SLC27A1: variants seen among roughly 807,000 people sequenced by gnomAD.
SLC27A1 encodes long-chain fatty acid transport protein 1.
In SLC27A1, 61 loss-of-function variants were observed where a neutral mutation model predicts 62.2. The observed-to-expected ratio is 0.98, with a 90% CI of 0.80 to 1.21. The LOEUF (loss-of-function observed/expected upper bound fraction) is 1.21, where lower values mean the gene tolerates loss of function less well. Among genes scored for constraint, SLC27A1 ranks in the 50% most tolerant of loss-of-function variants. The probability of loss-of-function intolerance (pLI) is 0.00; values close to 1 mark genes in which losing one functional copy is unlikely to be tolerated. For synonymous variants in SLC27A1, 435 were observed against 408.6 expected, an observed-to-expected ratio of 1.06 and a Z score of -0.78; for missense variants, 903 against 932.1, an observed-to-expected ratio of 0.97 and a Z score of 0.41.
rs767186280 is a variant in SLC27A1 at position 17,486,955 on chromosome 19, C to T, written c.560C>T (p.Ala187Val). The T allele has an allele frequency of 3.8e-6, 6 of 1,569,556 alleles. No homozygotes were observed. Among genetic ancestry groups the T allele is most frequent in the Non-Finnish European group, 5.2e-6 (6 of 1,164,908 alleles). ...KALIFGGEMV[A>V]AVAEVSGHLG... Reference sequence around the variant, plus strand: ...CTGATCTTTGGAGGAGAAATGGTGGCGGGTGAGGCCAGGCGTGGGCATCAG... The same window carrying T: ...CTGATCTTTGGAGGAGAAATGGTGGTGGGTGAGGCCAGGCGTGGGCATCAG... The change falls in exon 2 of 12, where the codon GCG becomes GTG. Residue 187 changes from alanine (A) to valine (V), a missense_variant and splice_region_variant. Coordinates refer to ENST00000252595, the MANE Select transcript of SLC27A1 (RefSeq NM_198580.3). This position sits in a 1 kb window ranked among gnomAD's most constrained non-coding sequence, Gnocchi z 6.6.
intron 1 of SLC27A1, among the ~76,000 whole-genome samples, chr19:17,480,239 G>A (rs1442612373): frequency 1.3e-5 from 2 of 151,916 alleles, no homozygotes; most frequent in Admixed American, 6.6e-5. Context: ...TGTTGGCCGG[G>A]CTGGTCTCGA....
intron 11 of SLC27A1, among the ~76,000 whole-genome samples, chr19:17,503,871 G>T (rs973814993): frequency 4.3e-5 from 6 of 140,944 alleles, no homozygotes; most frequent in African/African-American, 1.6e-4. Flanking sequence ...GGTGGAGGTT[G>T]CAGTGAGCCG....
In SLC27A1 at chr19:17,504,261, A is replaced by G. The variant is rs537004938; in HGVS notation, c.1784-194A>G. Among the ~76,000 whole-genome samples, 654 of 152,214 alleles carry G rather than the reference A, an allele frequency of 4.3e-3. 4 individuals are homozygous for G. Among genetic ancestry groups the G allele is most frequent in the Middle Eastern group, 0.02 (6 of 294 alleles). The stretch of plus-strand genomic sequence containing the variant: ...TTGCCCTGGTGAGGAGTGGTTAGGG[A>G]GGCCTCACTGGAGGAGGGGGCATGA... On this transcript the variant is annotated intron_variant, in intron 11 of 11. Transcript: ENST00000252595.
chr19:17,492,329 C>T lies in SLC27A1; in HGVS notation c.996+3212C>T, dbSNP rs114865391. 139 of 152,328 alleles carry T rather than the reference C, an allele frequency of 9.1e-4. 1 individual carries two copies. The highest frequency in any genetic ancestry group is 3.3e-3 in the African/African-American group (136 of 41,572). 9.4% of individuals were successfully genotyped at this position (152,328 alleles called of 1,614,324 possible). ...TGATGGTCTCTCTTTGTCCTTGACA[C>T]ACCATCTTGCATTGGTTACTACTTA... On this transcript the variant is annotated intron_variant, in intron 6 of 11. Transcript: ENST00000252595.
In SLC27A1 at chr19:17,500,729, G is replaced by C. The variant is rs1352644329; in HGVS notation, c.1489G>C (p.Asp497His). The change falls in exon 10 of 12, where the codon GAT becomes CAT. Residue 497 changes from aspartate to histidine, a missense_variant. Transcript: ENST00000252595. ...TCTGCCAGGTGACGTGCTAGTGATG[G>C]ATGAGCTGGGCTACATGTACTTCCG... ...AYLSGDVLVM[D>H]ELGYMYFRDR... 1 of 1,613,992 alleles carries C rather than the reference G, an allele frequency of 6.2e-7. No homozygotes were observed. The highest frequency in any genetic ancestry group is 8.5e-7 in the Non-Finnish European group (1 of 1,180,038).
Position 17,486,431 on chromosome 19 carries a change from A to T in SLC27A1, c.168-132A>T. ...CCTTGGTCCACTGAGAGATCCAGCCACCAAAAGTTTCACCATAGACCTCAT... is the reference window on the plus strand; with the variant it reads ...CCTTGGTCCACTGAGAGATCCAGCCTCCAAAAGTTTCACCATAGACCTCAT... On this transcript the variant is annotated intron_variant, in intron 1 of 11. Transcript: ENST00000252595. The surrounding 1 kb of genome is among the most constrained non-coding windows in gnomAD (Gnocchi z 6.6). 1 of 1,104,738 alleles carries T rather than the reference A, an allele frequency of 9.1e-7. No individual in the cohort carries two copies. Among genetic ancestry groups the T allele is most frequent in the African/African-American group, 1.6e-5 (1 of 62,644 alleles). 68.4% of individuals were successfully genotyped at this position (1,104,738 alleles called of 1,614,324 possible).
chr19:17,479,217 C>G (rs906878582), intron 1 of SLC27A1, among the ~76,000 whole-genome samples: 1 of 152,086 alleles, frequency 6.6e-6, no homozygotes, highest in Non-Finnish European at 1.5e-5. Flanking sequence ...ACCAGCCTGG[C>G]CAACAAAATG....
intron 1 of SLC27A1, among the ~76,000 whole-genome samples, chr19:17,483,106 G>GA (rs2075196721): frequency 2.6e-5 from 4 of 152,014 alleles, no homozygotes; most frequent in African/African-American, 4.8e-5. Context: ...ATGAATGAAT[G>GA]AGGGAATGAG....
At chr19:17,488,792 A>C (rs1033460781) in intron 4 of SLC27A1, 56 bp from the exon 5 acceptor site, 1 of 1,501,280 alleles carries the variant, frequency 6.7e-7, no homozygotes, top group Non-Finnish European at 9.2e-7. Flanking sequence ...CCATGCCTGT[A>C]CCCTGGGGGA....
At position 17,487,449 on chromosome 19, in the gene SLC27A1, A is replaced by C. The variant is rs779369561; in HGVS notation, c.725-11A>C. 1 of 1,557,262 alleles carries C rather than the reference A, an allele frequency of 6.4e-7. No individual in the cohort carries two copies. Among genetic ancestry groups the C allele is most frequent in the Admixed American group, 1.9e-5 (1 of 52,788 alleles). Reference sequence around the variant, plus strand: ...CTCAGGCCCCACCCCTAACACCTGTATCTCCTGCAGATCGTCTTTTCTACA... The same window carrying C: ...CTCAGGCCCCACCCCTAACACCTGTCTCTCCTGCAGATCGTCTTTTCTACA... On this transcript the variant is annotated splice_polypyrimidine_tract_variant and intron_variant, in intron 3 of 11. Transcript: ENST00000252595.
Position 17,486,444 on chromosome 19 carries a change from C to T in SLC27A1, c.168-119C>T. On this transcript the variant is annotated intron_variant, in intron 1 of 11. Transcript: ENST00000252595. This position sits in a 1 kb window ranked among gnomAD's most constrained non-coding sequence, Gnocchi z 6.6. ...AGAGATCCAGCCACCAAAAGTTTCA[C>T]CATAGACCTCATCAAAGCCCCTGGC... is the stretch of plus-strand genomic sequence containing the variant. The T allele has an allele frequency of 8.0e-7, 1 of 1,245,542 alleles. No individual in the cohort carries two copies. The highest frequency in any genetic ancestry group is 1.1e-6 in the Non-Finnish European group (1 of 921,966). The allele number at this position is 1,245,542 out of a possible 1,614,324, so 77.2% of individuals were successfully genotyped here. A position where few individuals can be genotyped will look rare whatever the true frequency, so the allele number is the denominator to read the frequency against.
At chr19:17,473,566 TAAA>T (rs2075096347) in intron 1 of SLC27A1, among the ~76,000 whole-genome samples, 1 of 152,060 alleles carries the variant, frequency 6.6e-6, no homozygotes, top group African/African-American at 2.4e-5. Flanking sequence ...GCTACATTAA[TAAA>T]AAATTAACTC....
intron 11 of SLC27A1, among the ~76,000 whole-genome samples, chr19:17,502,049 G>T: frequency 6.6e-6 from 1 of 151,826 alleles, no homozygotes; most frequent in Admixed American, 6.6e-5. Flanking sequence ...CTGGGAGGCA[G>T]AGGTTGCAGT....
chr19:17,487,401 C>T (rs1183450161), intron 3 of SLC27A1, 59 bp from the exon 4 acceptor site: 1 of 1,447,780 alleles, frequency 6.9e-7, no homozygotes, highest in African/African-American at 1.6e-5. Context: ...CCGCCCCCAA[C>T]TTCCAGGCCC....
chr19:17,500,852 G>A lies in SLC27A1; in HGVS notation c.1612G>A (p.Ala538Thr). 1 of 1,610,192 alleles carries A rather than the reference G, an allele frequency of 6.2e-7. No homozygotes were observed. ...LSRLLGQTDV[A>T]VYGVAVPGVE... ...CCGCCTGCTGGGCCAGACAGACGTG[G>A]CCGTCTATGGGGTGGCTGTTCCAGG... Residue 538 changes from alanine (A) to threonine (T), a missense_variant, in exon 10 of 12, where the codon GCC (alanine) becomes ACC (threonine). Coordinates refer to ENST00000252595, the MANE Select transcript of SLC27A1 (RefSeq NM_198580.3).
At chr19:17,482,921 GAGATGCAC>G (rs896508829) in intron 1 of SLC27A1, among the ~76,000 whole-genome samples, 11 of 152,146 alleles carry the variant, frequency 7.2e-5, no homozygotes, top group African/African-American at 2.7e-4. Context: ...ACAGATGCTA[GAGATGCAC>G]AGATGCACAG....
intron 1 of SLC27A1, among the ~76,000 whole-genome samples, chr19:17,479,129 G>T (rs113346303): frequency 3.3e-5 from 5 of 152,104 alleles, no homozygotes; most frequent in African/African-American, 1.2e-4. Flanking sequence ...ATTATCAGCT[G>T]GGAACAGTAC....
chr19:17,497,167 G>A, intron 6 of SLC27A1, 88 bp from the exon 7 acceptor site: 2 of 1,036,304 alleles, frequency 1.9e-6, no homozygotes, highest in Non-Finnish European at 2.8e-6. Context: ...TTAGCTCCCT[G>A]GGTGGGGCGG....
At chr19:17,469,396 G>A (rs1344783149), upstream of SLC27A1, among the ~76,000 whole-genome samples, 1 of 152,036 alleles carries the variant, frequency 6.6e-6, no homozygotes. Context: ...GCCCGCGCGG[G>A]CCGTGGGTGT....
Sources: allele counts gnomAD v4.1 joint callset (sites outside exome capture counted in the v4.1 genomes callset), GRCh38; gene constraint gnomAD v4.1.1; non-coding constraint Gnocchi (gnomAD v3.1); transcripts MANE v1.5; gene names NCBI Gene and HGNC (gene_info 2026-07-23, HGNC 2026-07-21).